SAMD9L: variants seen among roughly 807,000 people sequenced by gnomAD.
SAMD9L encodes the protein sterile alpha motif domain containing 9 like, also known as sterile alpha motif domain-containing protein 9-like.
SAMD9L carries 68 observed loss-of-function variants against 90.7 expected under a neutral mutation model. That is an observed-to-expected ratio of 0.75 (90% CI 0.62 to 0.92). The LOEUF (loss-of-function observed/expected upper bound fraction) is 0.92. Ranked by LOEUF, SAMD9L falls within the 40% of genes least tolerant of loss-of-function variation. SAMD9L has a pLI of 0.00. For missense variants in SAMD9L, 1,604 were observed against 1,824.3 expected (o/e 0.88, Z 2.20); for synonymous variants, 640 against 630.1 (o/e 1.02, Z -0.23).
intron 4 of SAMD9L, among the ~76,000 whole-genome samples, chr7:93,137,775 T>G (rs1039683591): frequency 6.9e-6 from 1 of 144,018 alleles, no homozygotes; most frequent in Non-Finnish European, 1.5e-5. Flanking sequence ...GTACATCCAG[T>G]CACAAAGTCT....
chr7:93,136,232 A>T (rs1479033484), intron 4 of SAMD9L, among the ~76,000 whole-genome samples: 1 of 152,188 alleles, frequency 6.6e-6, no homozygotes, highest in African/African-American at 2.4e-5. Flanking sequence ...AACTGGTGAC[A>T]CACCTTTTAG....
chr7:93,146,535 T>C (rs1792898363), intron 2 of SAMD9L, among the ~76,000 whole-genome samples: 1 of 152,262 alleles, frequency 6.6e-6, no homozygotes, highest in Admixed American at 6.5e-5. Flanking sequence ...TATCTGGCAT[T>C]GCCTAGCACA....
At position 93,145,180 on chromosome 7, in the gene SAMD9L, C is replaced by T. The variant is rs919029460; in HGVS notation, c.-123+205G>A. Among the ~76,000 whole-genome samples, 5 of 152,220 alleles carry T rather than the reference C, an allele frequency of 3.3e-5. 1 individual carries two copies. The highest frequency in any genetic ancestry group is 5.9e-5 in the Non-Finnish European group (4 of 68,040). Reference sequence around the variant, plus strand: ...GAAAGTTTCTTGTTTAAAAATTCTGCAATCAGCACAAGTTACATCTATTGA... The same window carrying T: ...GAAAGTTTCTTGTTTAAAAATTCTGTAATCAGCACAAGTTACATCTATTGA... On this transcript the variant is annotated intron_variant, in intron 3 of 4. Transcript: ENST00000318238.
chr7:93,131,177 A>T lies in SAMD9L; in HGVS notation c.*40T>A. On this transcript the variant is annotated 3_prime_UTR_variant, in exon 5 of 5. Transcript: ENST00000318238. ...AGAGAGAGAGAATAAAATCATAAAG[A>T]TATAAATAAACGTATTTGAACTACA... The T allele has an allele frequency of 5.3e-6, 6 of 1,141,750 alleles. No individual in the cohort carries two copies. Among genetic ancestry groups the T allele is most frequent in the Non-Finnish European group, 7.4e-6 (6 of 809,500 alleles). 70.7% of individuals were successfully genotyped at this position (1,141,750 alleles called of 1,614,324 possible).
Position 93,135,721 on chromosome 7 carries a change from T to C in SAMD9L, c.251A>G (p.Asn84Ser), listed in dbSNP as rs760907443. The change falls in exon 5 of 5, where the codon AAT becomes AGT. Residue 84 changes from asparagine (N) to serine (S), a missense_variant. Asn to Ser is a conservative substitution (Grantham distance 46). Transcript: ENST00000318238. ...ATTATCTAATTGTCCCGGATCATGA[T>C]TGTCACTTTCAGGGGACTTACTATT... is the stretch of plus-strand genomic sequence containing the variant. Reference protein sequence around the residue: ...KLNSKSPESDNHDPGQLDNSK... With the variant: ...KLNSKSPESDSHDPGQLDNSK... The C allele has an allele frequency of 1.9e-6, 3 of 1,614,132 alleles. No homozygotes were observed. The highest frequency in any genetic ancestry group is 2.2e-5 in the South Asian group (2 of 91,076).
chr7:93,139,476 G>A (rs1792595269), intron 4 of SAMD9L, among the ~76,000 whole-genome samples: 1 of 152,142 alleles, frequency 6.6e-6, no homozygotes, highest in Admixed American at 6.6e-5. Flanking sequence ...GGGCACAGAG[G>A]CTTGCTTACA....
At chr7:93,146,404 T>C (rs1486881867) in intron 2 of SAMD9L, among the ~76,000 whole-genome samples, 1 of 152,218 alleles carries the variant, frequency 6.6e-6, no homozygotes, top group African/African-American at 2.4e-5. Flanking sequence ...TCTGGCTTCA[T>C]TTTTTATCTA....
chr7:93,135,108 C>A lies in SAMD9L; in HGVS notation c.864G>T (p.Arg288Ser). Residue 288 changes from arginine (R) to serine (S), a missense_variant, in exon 5 of 5, where the codon AGG (arginine) becomes AGT (serine). By Grantham distance (110) the Arg-to-Ser change is moderately radical. This residue lies in a region of SAMD9L where 374 missense variants were observed against 363.6 expected (regional missense o/e 1.03). Transcript: ENST00000318238. ...TGTTCTGCAGAAGGACTTCCACAAACCTTGGCTCCCGAATACACTTCTTGG... is the reference window on the plus strand; with the variant it reads ...TGTTCTGCAGAAGGACTTCCACAAAACTTGGCTCCCGAATACACTTCTTGG... ...NEAKKCIREPRFVEVLLQNNT... is the reference protein window; with the variant it reads ...NEAKKCIREPSFVEVLLQNNT... 6.2e-7 allele frequency: 1 copy of A among 1,612,596 alleles called. No homozygotes were observed. The highest frequency in any genetic ancestry group is 8.5e-7 in the Non-Finnish European group (1 of 1,179,958).
chr7:93,134,244 AT>A lies in SAMD9L; in HGVS notation c.1727del (p.Asn576IlefsTer7), dbSNP rs745796370. The A allele has an allele frequency of 1.2e-6, 2 of 1,613,526 alleles. No individual in the cohort carries two copies. The highest frequency in any genetic ancestry group is 4.5e-5 in the East Asian group (2 of 44,864). On this transcript the variant is annotated frameshift_variant, in exon 5 of 5. Coordinates refer to ENST00000318238, the MANE Select transcript of SAMD9L (RefSeq NM_152703.5). LOFTEE classifies it high-confidence loss of function. ...GTGAGTTTACAGAGATACACAACAT[AT>A]TTTCCATTCCTTTGAGAGCTTGATA... ...AFYQALKGME[N>X]MLCISVNSHI...
At position 93,134,215 on chromosome 7, in the gene SAMD9L, A is replaced by G; in HGVS notation, c.1757T>C (p.Ile586Thr). 3.1e-6 allele frequency: 5 copies of G among 1,613,282 alleles called. No homozygotes were observed. Among genetic ancestry groups the G allele is most frequent in the Non-Finnish European group, 4.2e-6 (5 of 1,179,624 alleles). ...NMLCISVNSH[I>T]YQRWKDLLQT... ...TAGTAGATCTTTCCATCGTTGATAA[A>G]TATGTGAGTTTACAGAGATACACAA... Residue 586 changes from isoleucine to threonine, a missense_variant, in exon 5 of 5, where the codon ATT (isoleucine) becomes ACT (threonine). Physicochemically the swap from Ile to Thr is moderately conservative, Grantham distance 89. Coordinates refer to ENST00000318238, the MANE Select transcript of SAMD9L (RefSeq NM_152703.5).
rs1284749424 is a variant in SAMD9L at position 93,132,227 on chromosome 7, C to A, written c.3745G>T (p.Ala1249Ser). ...PPDPRNECYL[A>S]LSKFTSHLKN... ...AGGTGGGATGTGAACTTGCTAAGAGCCAAATAACATTCATTTCTGGGATCA... is the reference window on the plus strand; with the variant it reads ...AGGTGGGATGTGAACTTGCTAAGAGACAAATAACATTCATTTCTGGGATCA... Residue 1249 changes from alanine (A) to serine (S), a missense_variant, in exon 5 of 5, where the codon GCT becomes TCT. Physicochemically the swap from Ala to Ser is moderately conservative, Grantham distance 99. This residue lies in a region of SAMD9L where 302 missense variants were observed against 314.7 expected (regional missense o/e 0.96). Transcript: ENST00000318238. 2 of 1,613,722 alleles carry A rather than the reference C, an allele frequency of 1.2e-6. No individual in the cohort carries two copies. Among genetic ancestry groups the A allele is most frequent in the Admixed American group, 3.3e-5 (2 of 59,908 alleles).
chr7:93,142,829 C>G (rs1382435358), intron 4 of SAMD9L, among the ~76,000 whole-genome samples: 2 of 152,250 alleles, frequency 1.3e-5, no homozygotes, highest in Non-Finnish European at 2.9e-5. Flanking sequence ...GAGGCAGTAT[C>G]TTCTCCTAGC....
At chr7:93,142,604 T>C (rs1480549109) in intron 4 of SAMD9L, among the ~76,000 whole-genome samples, 3 of 152,214 alleles carry the variant, frequency 2.0e-5, no homozygotes, top group African/African-American at 7.2e-5. Flanking sequence ...ACACTTCTCC[T>C]CAGGTTTTGG....
In SAMD9L at chr7:93,132,115, TC is replaced by T. The variant is rs1338798491; in HGVS notation, c.3856del (p.Glu1286LysfsTer7). 1 of 1,613,324 alleles carries T rather than the reference TC, an allele frequency of 6.2e-7. No homozygotes were observed. The highest frequency in any genetic ancestry group is 8.5e-7 in the Non-Finnish European group (1 of 1,179,812). ...VLLKMRYTQK[E>X]IAEIMLSKKV... ...CTTGCTTAACATGATTTCTGCAATT[TC>T]TTTTTGGGTATACCTCATTTTCAGA... is the stretch of plus-strand genomic sequence containing the variant. On this transcript the variant is annotated frameshift_variant, in exon 5 of 5. Transcript: ENST00000318238. LOFTEE classifies it high-confidence loss of function.
chr7:93,137,637 T>G (rs1232805929), intron 4 of SAMD9L, among the ~76,000 whole-genome samples: 2 of 151,958 alleles, frequency 1.3e-5, no homozygotes, highest in African/African-American at 4.8e-5. Flanking sequence ...GTGGAAAAAT[T>G]GTCTCCCATG....
At chr7:93,147,386 G>T (rs42499) in intron 1 of SAMD9L, among the ~76,000 whole-genome samples, 73,073 of 152,144 alleles carry the variant, frequency 0.48, 21,558 homozygotes, top group Non-Finnish European at 0.65. Context: ...TGACAAAGGA[G>T]TTGCAGGTTG....
chr7:93,139,935 T>C (rs1241546025), intron 4 of SAMD9L, among the ~76,000 whole-genome samples: 1 of 152,228 alleles, frequency 6.6e-6, no homozygotes, highest in Non-Finnish European at 1.5e-5. Flanking sequence ...CTTTTCCTCT[T>C]TTACTGACTT....
At chr7:93,137,411 A>T (rs1209817891) in intron 4 of SAMD9L, among the ~76,000 whole-genome samples, 1 of 152,116 alleles carries the variant, frequency 6.6e-6, no homozygotes, top group Admixed American at 6.6e-5. Context: ...CACACTCCTT[A>T]TGAGAATCTA....
rs1792275953 is a variant in SAMD9L at position 93,133,891 on chromosome 7, G to T, written c.2081C>A (p.Ser694Tyr). 1 of 1,613,562 alleles carries T rather than the reference G, an allele frequency of 6.2e-7. No homozygotes were observed. Among genetic ancestry groups the T allele is most frequent in the Admixed American group, 1.7e-5 (1 of 59,914 alleles). ...AGAAGAAAAATAGAAGTTCCACCAG[G>T]ATACTTTGCCACCTCGATAAAAGTG... ...EEHFYRGGKVSWWNFYFSSEN... is the reference protein window; with the variant it reads ...EEHFYRGGKVYWWNFYFSSEN... The change falls in exon 5 of 5, where the codon TCC becomes TAC. Residue 694 changes from serine to tyrosine, a missense_variant. Around this residue, in one of 7 missense-constraint regions of SAMD9L, gnomAD observed 606 missense variants for 717.6 expected, o/e 0.84. Transcript: ENST00000318238.
Sources: allele counts gnomAD v4.1 joint callset (sites outside exome capture counted in the v4.1 genomes callset), GRCh38; gene constraint gnomAD v4.1.1; regional missense constraint gnomAD v4.1.1; transcripts MANE v1.5; gene names NCBI Gene and HGNC (gene_info 2026-07-23, HGNC 2026-07-21).